The following MEIS1 variants were observed in gnomAD, a reference collection of about 807,000 sequenced individuals.
MEIS1 encodes the protein Meis homeobox 1, also known as homeobox protein Meis1.
MEIS1 carries 5 observed loss-of-function variants against 50.8 expected under a neutral mutation model. The ratio of observed to expected loss-of-function variants is 0.10; its 90% CI spans 0.05 to 0.21. MEIS1 has a LOEUF of 0.21. Ranked by LOEUF, MEIS1 falls within the 10% of genes least tolerant of loss-of-function variation. MEIS1 has a pLI of 1.00. For missense variants in MEIS1, 318 were observed against 517.3 expected (o/e 0.61, Z 3.74); for synonymous variants, 176 against 179.3 (o/e 0.98, Z 0.15).
intron 7 of MEIS1, among the ~76,000 whole-genome samples, chr2:66,482,398 C>A (rs115981843): frequency 0.021 from 3,157 of 152,256 alleles, 39 homozygotes; most frequent in Middle Eastern, 0.075. Context: ...GAGAAAACAA[C>A]AGGACCTAAG....
At chr2:66,440,679 G>A (rs1283247686) in intron 4 of MEIS1, 67 bp downstream of exon 4, 1 of 1,114,658 alleles carries the variant, frequency 9.0e-7, no homozygotes, top group Admixed American at 2.5e-5. Context: ...AACGCCCTCA[G>A]CTTTGCTTTG....
chr2:66,448,488 C>T (rs1425453070), intron 6 of MEIS1, among the ~76,000 whole-genome samples: 2 of 152,146 alleles, frequency 1.3e-5, no homozygotes, highest in South Asian at 4.1e-4. Flanking sequence ...CCTAGCGTAC[C>T]TCACAGGTGG....
Position 66,437,530 on chromosome 2 carries a change from C to T in MEIS1, c.13-207C>T, listed in dbSNP as rs1573113014. The T allele has an allele frequency of 1.0e-5, 6 of 597,880 alleles. No homozygotes were observed. In the East Asian group the frequency reaches 1.7e-4, roughly 17 times the overall value. The allele number at this position is 597,880 out of a possible 1,614,324, so 37.0% of individuals were successfully genotyped here. A position where few individuals can be genotyped will look rare whatever the true frequency, so the allele number is the denominator to read the frequency against. ...ACAAGTTAGGGCAAGATCATTCATC[C>T]CAGACGAGTCTCGCTGAGAATTCTG... On this transcript the variant is annotated intron_variant, in intron 1 of 12. Transcript: ENST00000272369.
intron 6 of MEIS1, among the ~76,000 whole-genome samples, chr2:66,443,945 G>C (rs1672064444): frequency 6.6e-6 from 1 of 152,132 alleles, no homozygotes; most frequent in African/African-American, 2.4e-5. Context: ...ATTTGGAATT[G>C]CTGTGGGGAT....
chr2:66,530,178 G>A (rs2103891683), intron 8 of MEIS1, among the ~76,000 whole-genome samples: 1 of 145,302 alleles, frequency 6.9e-6, no homozygotes, highest in Non-Finnish European at 1.5e-5. Flanking sequence ...ATTGCTGTTG[G>A]GAACACAGTA....
At chr2:66,516,699 G>A (rs1350539488) in intron 8 of MEIS1, among the ~76,000 whole-genome samples, 1 of 152,064 alleles carries the variant, frequency 6.6e-6, no homozygotes, top group Non-Finnish European at 1.5e-5. Context: ...TCCAGGTTGA[G>A]AATAGCGTTT....
intron 7 of MEIS1, among the ~76,000 whole-genome samples, chr2:66,489,313 A>G (rs1180251095): frequency 6.6e-6 from 1 of 152,214 alleles, no homozygotes; most frequent in African/African-American, 2.4e-5. Flanking sequence ...TTGCTTTTGG[A>G]GTCTTATAAA....
intron 6 of MEIS1, among the ~76,000 whole-genome samples, chr2:66,454,452 A>T (rs1322288663): frequency 1.3e-5 from 2 of 152,024 alleles, no homozygotes; most frequent in Admixed American, 6.6e-5. Context: ...CCTAGGGTAA[A>T]ATTCAAATAA....
chr2:66,557,297 C>T (rs1675091048), intron 9 of MEIS1, among the ~76,000 whole-genome samples: 1 of 152,128 alleles, frequency 6.6e-6, no homozygotes, highest in African/African-American at 2.4e-5. Flanking sequence ...AATTCATAAA[C>T]CATCATTTCA....
At chr2:66,440,463 G>A (rs1261832624) in intron 3 of MEIS1, 99 bp from the exon 4 acceptor site, 1 of 1,019,616 alleles carries the variant, frequency 9.8e-7, no homozygotes, top group Non-Finnish European at 1.5e-6. Context: ...GCCCCCGACA[G>A]TGTAATGAGG....
chr2:66,484,531 GA>G (rs1673090346), intron 7 of MEIS1, among the ~76,000 whole-genome samples: 1 of 151,868 alleles, frequency 6.6e-6, no homozygotes, highest in African/African-American at 2.4e-5. Context: ...TTTACAAAAG[GA>G]ATTTTCTTTC....
chr2:66,527,035 G>A (rs971820172), intron 8 of MEIS1, among the ~76,000 whole-genome samples: 1 of 152,050 alleles, frequency 6.6e-6, no homozygotes, highest in Non-Finnish European at 1.5e-5. Context: ...AAAAGAGACC[G>A]AAAAAACTGT....
intron 8 of MEIS1, among the ~76,000 whole-genome samples, chr2:66,537,018 T>C (rs1352605584): frequency 6.6e-6 from 1 of 152,212 alleles, no homozygotes; most frequent in Non-Finnish European, 1.5e-5. Flanking sequence ...TCATTGACCT[T>C]TAATGGTAAG....
intron 7 of MEIS1, among the ~76,000 whole-genome samples, chr2:66,495,078 ACCTTTTTTTTTTT>A (rs1673365943): frequency 3.5e-5 from 3 of 85,078 alleles, no homozygotes; most frequent in African/African-American, 7.7e-5. Flanking sequence ...CCCTCTTCTG[ACCTTTTTTTTTTT>A]TTTTTTTTTT....
At chr2:66,526,481 G>C (rs1176844488) in intron 8 of MEIS1, among the ~76,000 whole-genome samples, 1 of 152,090 alleles carries the variant, frequency 6.6e-6, no homozygotes. Flanking sequence ...AGCGACTCTT[G>C]GAATCACTAT....
intron 9 of MEIS1, among the ~76,000 whole-genome samples, chr2:66,557,530 A>G (rs1675097080): frequency 6.6e-6 from 1 of 152,176 alleles, no homozygotes; most frequent in African/African-American, 2.4e-5. Flanking sequence ...TGATCATGGA[A>G]TACGTGGTAT....
chr2:66,479,867 T>C (rs147103217), intron 7 of MEIS1, among the ~76,000 whole-genome samples: 2,345 of 152,304 alleles, frequency 0.015, 32 homozygotes, highest in Middle Eastern at 0.075. Context: ...CCTGCCCTAT[T>C]TGCTCTTTAA....
intron 6 of MEIS1, 98 bp downstream of exon 6, chr2:66,443,146 G>A: frequency 7.6e-7 from 1 of 1,319,952 alleles, no homozygotes; most frequent in Non-Finnish European, 1.0e-6. Context: ...ATTTGCATAT[G>A]ATTAAGTCCC....
At chr2:66,499,061 T>C (rs1194901675) in intron 7 of MEIS1, among the ~76,000 whole-genome samples, 1 of 152,136 alleles carries the variant, frequency 6.6e-6, no homozygotes, top group African/African-American at 2.4e-5. Flanking sequence ...AAGGTGTGAG[T>C]GGCACTACAA....
Sources: gnomAD v4.1 joint callset for allele counts (sites outside exome capture counted in the v4.1 genomes callset) on GRCh38, gnomAD v4.1.1 for gene constraint, MANE v1.5 for transcripts, NCBI Gene and HGNC (gene_info 2026-07-23, HGNC 2026-07-21) for gene names.